The following RAPGEF5 variants were observed in gnomAD, a reference collection of about 807,000 sequenced individuals.
RAPGEF5 encodes the protein M-Ras-regulated GEF.
Under a neutral mutation model 125.2 loss-of-function variants are expected in RAPGEF5, and 65 were observed. That is an observed-to-expected ratio of 0.52 (90% CI 0.43 to 0.64). The LOEUF (loss-of-function observed/expected upper bound fraction) is 0.64. RAPGEF5 is among the 30% of genes least tolerant of loss of function. The pLI is 0.00. For synonymous variants in RAPGEF5, 391 were observed against 385.9 expected (o/e 1.01, Z -0.16); for missense variants, 958 against 1,048.1 (o/e 0.91, Z 1.19).
At chr7:22,223,374 A>G (rs576667951) in intron 8 of RAPGEF5, among the ~76,000 whole-genome samples, 1 of 152,194 alleles carries the variant, frequency 6.6e-6, no homozygotes, top group Non-Finnish European at 1.5e-5. Flanking sequence ...GAGTGGAGCA[A>G]TTTCTGTTTG....
Position 22,120,393 on chromosome 7 carries a change from T to C in RAPGEF5, c.*2013A>G, listed in dbSNP as rs556601346. On this transcript the variant is annotated 3_prime_UTR_variant, in exon 26 of 26. Coordinates refer to ENST00000665637, the MANE Select transcript of RAPGEF5 (RefSeq NM_012294.5). The surrounding 1 kb of genome is among the most constrained non-coding windows in gnomAD (Gnocchi z 4.0). The stretch of plus-strand genomic sequence containing the variant: ...AAAATTAGTCCCCTAAAGGTAATGT[T>C]CTACTAGGAGCAATGTAGTTCTAAT... 6.5e-6 allele frequency: 1 copy of C among 152,714 alleles called. No individual in the cohort carries two copies. The highest frequency in any genetic ancestry group is 1.9e-4 in the East Asian group (1 of 5,190). 9.5% of individuals were successfully genotyped at this position (152,714 alleles called of 1,614,324 possible).
Position 22,312,093 on chromosome 7 carries a change from T to C in RAPGEF5, c.390-2003A>G, listed in dbSNP as rs190307069. Reference sequence around the variant, plus strand: ...GCTGCTTGTTTGTTCACAGGTGATATGGAAGAAGCTTCTTAGAACAAGGCT... The same window carrying C: ...GCTGCTTGTTTGTTCACAGGTGATACGGAAGAAGCTTCTTAGAACAAGGCT... On this transcript the variant is annotated intron_variant, in intron 3 of 25. Coordinates refer to ENST00000665637, the MANE Select transcript of RAPGEF5 (RefSeq NM_012294.5). Among the ~76,000 whole-genome samples the C allele has an allele frequency of 5.2e-4, 79 of 152,366 alleles. No individual in the cohort carries two copies. In the East Asian group the frequency reaches 0.014, roughly 27 times the overall value.
intron 6 of RAPGEF5, among the ~76,000 whole-genome samples, chr7:22,278,824 C>T (rs1427550350): frequency 6.6e-6 from 1 of 151,172 alleles, no homozygotes; most frequent in Non-Finnish European, 1.5e-5. Flanking sequence ...TTATTATGTA[C>T]CTGGGCACTG....
chr7:22,147,200 G>C (rs894399922), intron 18 of RAPGEF5, among the ~76,000 whole-genome samples, 181 bp from the exon 19 acceptor site: 1 of 152,204 alleles, frequency 6.6e-6, no homozygotes, highest in Non-Finnish European at 1.5e-5. Flanking sequence ...ACGGTCTTGG[G>C]AACAGTAGAA....
chr7:22,274,431 G>A (rs1481016116), intron 6 of RAPGEF5, among the ~76,000 whole-genome samples: 2 of 152,138 alleles, frequency 1.3e-5, no homozygotes, highest in Non-Finnish European at 2.9e-5. Context: ...CAGGGCTCAA[G>A]CAATTCTCCT....
chr7:22,253,573 T>G (rs2128138812), intron 7 of RAPGEF5, among the ~76,000 whole-genome samples: 1 of 152,290 alleles, frequency 6.6e-6, no homozygotes, highest in East Asian at 1.9e-4. Flanking sequence ...AACGTAGCAT[T>G]TTTTAGCGTA....
At chr7:22,218,461 A>G (rs1785694517) in intron 9 of RAPGEF5, among the ~76,000 whole-genome samples, 2 of 152,194 alleles carry the variant, frequency 1.3e-5, no homozygotes, top group Non-Finnish European at 2.9e-5. Flanking sequence ...TTTAAGAACC[A>G]TAAGGAAAGA....
chr7:22,316,488 T>TATATATATATA (rs1783601268), intron 2 of RAPGEF5, among the ~76,000 whole-genome samples: 1 of 18,704 alleles, frequency 5.3e-5, no homozygotes, highest in African/African-American at 2.1e-4. Flanking sequence ...TATATATATA[T>TATATATATATA]ATTTTTTTTT....
At chr7:22,202,622 C>G (rs943527075) in intron 9 of RAPGEF5, among the ~76,000 whole-genome samples, 1 of 152,160 alleles carries the variant, frequency 6.6e-6, no homozygotes, top group Non-Finnish European at 1.5e-5. Context: ...ACCCTTCCAC[C>G]AAGCCGCAAG....
chr7:22,140,012 C>A lies in RAPGEF5; in HGVS notation c.2277+13G>T, dbSNP rs17146317. On this transcript the variant is annotated intron_variant, in intron 21 of 25. Transcript: ENST00000665637. Reference sequence around the variant, plus strand: ...ATTTTATGTGCCCCTCACCATGGGACTCCAAGGCTCACCTCCCAGGTCTGC... The same window carrying A: ...ATTTTATGTGCCCCTCACCATGGGAATCCAAGGCTCACCTCCCAGGTCTGC... 3.1e-4 allele frequency: 482 copies of A among 1,551,592 alleles called. 3 individuals are homozygous for A. In the East Asian group the frequency reaches 8.3e-3, roughly 27 times the overall value.
At chr7:22,157,497 A>G (rs917770290) in intron 15 of RAPGEF5, among the ~76,000 whole-genome samples, 2 of 152,222 alleles carry the variant, frequency 1.3e-5, no homozygotes, top group Non-Finnish European at 1.5e-5. Context: ...TTTTCTTTAC[A>G]AGACTTCTTT....
chr7:22,137,088 G>T, intron 21 of RAPGEF5, 105 bp from the exon 22 acceptor site: 2 of 800,536 alleles, frequency 2.5e-6, no homozygotes, highest in Non-Finnish European at 2.0e-6. Context: ...TCACATTTCT[G>T]AACATAAATA....
At chr7:22,209,060 G>C (rs960965830) in intron 9 of RAPGEF5, among the ~76,000 whole-genome samples, 2 of 152,180 alleles carry the variant, frequency 1.3e-5, no homozygotes, top group Non-Finnish European at 2.9e-5. Flanking sequence ...AATACTAAAG[G>C]AGAGGAACTT....
intron 18 of RAPGEF5, among the ~76,000 whole-genome samples, chr7:22,149,553 C>G (rs1783552489): frequency 6.6e-6 from 1 of 152,186 alleles, no homozygotes; most frequent in Admixed American, 6.5e-5. Context: ...CCCACTTAGG[C>G]ATAGGTGTTC....
At chr7:22,287,270 T>C (rs767517948) in intron 6 of RAPGEF5, among the ~76,000 whole-genome samples, 1 of 152,220 alleles carries the variant, frequency 6.6e-6, no homozygotes, top group Non-Finnish European at 1.5e-5. Context: ...TTAACAACCC[T>C]ACATTTGACT....
In RAPGEF5 at chr7:22,156,844, G is replaced by C. The variant is rs558702660; in HGVS notation, c.1602C>G (p.Leu534=). 6.2e-7 allele frequency: 1 copy of C among 1,613,922 alleles called. No homozygotes were observed. Among genetic ancestry groups the C allele is most frequent in the Non-Finnish European group, 8.5e-7 (1 of 1,179,858 alleles). Reference sequence around the variant, plus strand: ...TTTCAGTCACAGTTCCTCTATGCTGGAGCCAGTTCTCCTTAAGACTGAATT... The same window carrying C: ...TTTCAGTCACAGTTCCTCTATGCTGCAGCCAGTTCTCCTTAAGACTGAATT... ...FHQFSLKENW[L]QHRGTVTETE... Residue 534 remains leucine, a synonymous_variant, in exon 16 of 26, where the codon CTC becomes CTG. Coordinates refer to ENST00000665637, the MANE Select transcript of RAPGEF5 (RefSeq NM_012294.5).
intron 11 of RAPGEF5, among the ~76,000 whole-genome samples, chr7:22,172,036 A>G (rs1162921303): frequency 6.6e-6 from 1 of 152,196 alleles, no homozygotes; most frequent in Non-Finnish European, 1.5e-5. Flanking sequence ...AATAAAATAT[A>G]TATAGAAATG....
At chr7:22,316,376 TAG>T (rs1284567347) in intron 2 of RAPGEF5, among the ~76,000 whole-genome samples, 7 of 148,912 alleles carry the variant, frequency 4.7e-5, no homozygotes, top group African/African-American at 1.7e-4. Context: ...GATAGATAGA[TAG>T]ATAGATTAAA....
At chr7:22,335,604 A>T (rs1215111224) in intron 1 of RAPGEF5, among the ~76,000 whole-genome samples, 1 of 151,676 alleles carries the variant, frequency 6.6e-6, no homozygotes, top group East Asian at 1.9e-4. Flanking sequence ...GAGGCCACAA[A>T]GCCGTATCAA....
Sources: allele counts gnomAD v4.1 joint callset (sites outside exome capture counted in the v4.1 genomes callset), GRCh38; gene constraint gnomAD v4.1.1; non-coding constraint Gnocchi (gnomAD v3.1); transcripts MANE v1.5; gene names NCBI Gene and HGNC (gene_info 2026-07-23, HGNC 2026-07-21).